The following DENND4C variants were observed in gnomAD, a reference collection of about 807,000 sequenced individuals.
DENND4C encodes DENN domain containing 4C.
A neutral mutation model predicts 203.0 loss-of-function variants in DENND4C; 108 were observed. That is an observed-to-expected ratio of 0.53 (90% confidence interval 0.46 to 0.62). The LOEUF (loss-of-function observed/expected upper bound fraction) is 0.62, where lower values mean the gene tolerates loss of function less well. DENND4C is among the 20% of genes least tolerant of loss of function. DENND4C has a pLI of 0.00. For missense variants in DENND4C, 2,481 were observed against 2,301.2 expected, an observed-to-expected ratio of 1.08 and a Z score of -1.60; for synonymous variants, 871 against 792.4, an observed-to-expected ratio of 1.10 and a Z score of -1.67.
At chr9:19,304,738 A>G (rs989118707) in intron 9 of DENND4C, among the ~76,000 whole-genome samples, 3 of 140,254 alleles carry the variant, frequency 2.1e-5, no homozygotes, top group African/African-American at 8.2e-5. Context: ...TTTAGTAGAG[A>G]CGGGGTTTCA....
At chr9:19,295,595 G>T (rs10114954) in intron 5 of DENND4C, among the ~76,000 whole-genome samples, 72,583 of 150,712 alleles carry the variant, frequency 0.48, 18,295 homozygotes, top group South Asian at 0.56. Flanking sequence ...ACTTGAACCT[G>T]GGAGGCGGAG....
chr9:19,354,406 C>G (rs1018837373), intron 26 of DENND4C, among the ~76,000 whole-genome samples: 1 of 152,144 alleles, frequency 6.6e-6, no homozygotes, highest in Non-Finnish European at 1.5e-5. Context: ...GACGGCTGCA[C>G]TCCCACAAGT....
intron 2 of DENND4C, among the ~76,000 whole-genome samples, chr9:19,282,348 T>G (rs1048647833): frequency 5.3e-5 from 8 of 151,588 alleles, no homozygotes; most frequent in Middle Eastern, 3.4e-3. Flanking sequence ...CTCCACCTCC[T>G]GGGCTCAGGC....
Position 19,299,286 on chromosome 9 carries a change from A to G in DENND4C, c.1165A>G (p.Ser389Gly), listed in dbSNP as rs1300329494. The change falls in exon 8 of 33, where the codon AGT (serine) becomes GGT (glycine). Residue 389 changes from serine (S) to glycine (G), a missense_variant and splice_region_variant. By Grantham distance (56) the Ser-to-Gly change is moderately conservative. Coordinates refer to ENST00000434457, the MANE Select transcript of DENND4C (RefSeq NM_001330640.2). ...GCCAGTTTCTACACCTTTACCACTA[A>G]GGTAATTACTGGTATTTAAAATGAT... ...SQPVSTPLPL[S>G]GANFSTLLMN... 3 of 1,567,112 alleles carry G rather than the reference A, an allele frequency of 1.9e-6. No individual in the cohort carries two copies. The highest frequency in any genetic ancestry group is 3.7e-5 in the Admixed American group (2 of 53,906).
At chr9:19,347,177 G>A (rs1348246935) in intron 23 of DENND4C, 91 bp downstream of exon 23, 1 of 1,300,710 alleles carries the variant, frequency 7.7e-7, no homozygotes, top group Non-Finnish European at 1.1e-6. Context: ...AGAGATTTCT[G>A]TGCCCAGGCT....
chr9:19,273,642 G>A (rs773949963), intron 1 of DENND4C, among the ~76,000 whole-genome samples: 51 of 152,054 alleles, frequency 3.4e-4, no homozygotes, highest in Middle Eastern at 3.4e-3. Context: ...TTTCCCCAAA[G>A]AAGATATATG....
In DENND4C at chr9:19,345,912, C is replaced by T. The variant is rs1442878505; in HGVS notation, c.3152-9C>T. The T allele has an allele frequency of 1.3e-6, 2 of 1,571,926 alleles. No homozygotes were observed. The highest frequency in any genetic ancestry group is 3.9e-5 in the Admixed American group (2 of 50,774). Reference sequence around the variant, plus strand: ...AGGTTCATTGTTAATATTTTACTTTCCCTTTTAGGTAGTATATCAAATGTG... The same window carrying T: ...AGGTTCATTGTTAATATTTTACTTTTCCTTTTAGGTAGTATATCAAATGTG... On this transcript the variant is annotated splice_polypyrimidine_tract_variant and intron_variant, in intron 22 of 32. Transcript: ENST00000434457.
At chr9:19,302,100 A>G (rs915493777) in intron 9 of DENND4C, among the ~76,000 whole-genome samples, 5 of 152,248 alleles carry the variant, frequency 3.3e-5, no homozygotes, top group Non-Finnish European at 7.3e-5. Context: ...GAAAAATGCC[A>G]GAGTATATGA....
At chr9:19,351,325 C>G (rs1824066242) in intron 24 of DENND4C, among the ~76,000 whole-genome samples, 1 of 152,126 alleles carries the variant, frequency 6.6e-6, no homozygotes, top group Non-Finnish European at 1.5e-5. Context: ...AAGCCTAACG[C>G]TAAAACTTCT....
intron 15 of DENND4C, 127 bp downstream of exon 15, chr9:19,326,321 A>C: frequency 1.0e-6 from 1 of 982,452 alleles, no homozygotes; most frequent in Non-Finnish European, 1.4e-6. Context: ...ACTAATGTAG[A>C]TAAATATTTT....
intron 6 of DENND4C, 29 bp downstream of exon 6, chr9:19,296,275 G>A (rs771876601): frequency 8.4e-6 from 12 of 1,426,582 alleles, no homozygotes; most frequent in Non-Finnish European, 1.2e-5. Flanking sequence ...AAGATGGCTG[G>A]TGGAAAACTG....
At chr9:19,266,025 C>T (rs1366367257) in intron 1 of DENND4C, among the ~76,000 whole-genome samples, 5 of 152,190 alleles carry the variant, frequency 3.3e-5, no homozygotes, top group African/African-American at 1.2e-4. Flanking sequence ...CTTGAGGAAT[C>T]GCCACACTGT....
At chr9:19,256,277 T>G (rs1431986020) in intron 1 of DENND4C, among the ~76,000 whole-genome samples, 1 of 150,936 alleles carries the variant, frequency 6.6e-6, no homozygotes, top group Admixed American at 6.6e-5. Flanking sequence ...TTAAAAAAAT[T>G]TTTCTTTTTT....
At chr9:19,328,489 T>C (rs932728178) in intron 16 of DENND4C, among the ~76,000 whole-genome samples, 2 of 151,924 alleles carry the variant, frequency 1.3e-5, no homozygotes, top group Admixed American at 1.3e-4. Context: ...GTCAGGCGCC[T>C]GTGATCCCAG....
rs1253810922 is a variant in DENND4C at position 19,326,183 on chromosome 9, A to C, written c.2109A>C (p.Ser703=). 1.4e-5 allele frequency: 22 copies of C among 1,611,008 alleles called. No individual in the cohort carries two copies. Among genetic ancestry groups the C allele is most frequent in the Non-Finnish European group, 1.8e-5 (21 of 1,179,192 alleles). Residue 703 remains serine, a synonymous_variant, in exon 15 of 33, where the codon TCA becomes TCC. Coordinates refer to ENST00000434457, the MANE Select transcript of DENND4C (RefSeq NM_001330640.2). The part of the protein sequence containing the change: ...EPPPDDGKDL[S]PKYSYKYFPR... Reference sequence around the variant, plus strand: ...CTCCTGATGATGGAAAGGACCTGTCACCAAAGTACAGGTAGTAGGAAGTTT... The same window carrying C: ...CTCCTGATGATGGAAAGGACCTGTCCCCAAAGTACAGGTAGTAGGAAGTTT...
chr9:19,322,651 G>T (rs1843074323), intron 12 of DENND4C, among the ~76,000 whole-genome samples: 1 of 150,266 alleles, frequency 6.7e-6, no homozygotes, highest in Non-Finnish European at 1.5e-5. Flanking sequence ...CAGGAGAATG[G>T]CATGAACCCG....
At chr9:19,348,720 T>G (rs753276796) in intron 23 of DENND4C, among the ~76,000 whole-genome samples, 1 of 152,106 alleles carries the variant, frequency 6.6e-6, no homozygotes, top group Non-Finnish European at 1.5e-5. Context: ...TTAAAGAGCT[T>G]ACGAGGTCAG....
chr9:19,288,757 A>T lies in DENND4C; in HGVS notation c.628+92A>T, dbSNP rs1037365124. ...AGAGATAAAGTATGCTCCCTTACATAGTTTGTAGAATTGATCTATTCATAA... is the reference window on the plus strand; with the variant it reads ...AGAGATAAAGTATGCTCCCTTACATTGTTTGTAGAATTGATCTATTCATAA... On this transcript the variant is annotated intron_variant, in intron 4 of 32. Transcript: ENST00000434457. 3 of 606,962 alleles carry T rather than the reference A, an allele frequency of 4.9e-6. No homozygotes were observed. The African/African-American group carries it at 5.7e-5, about 12-fold the overall frequency. The allele number at this position is 606,962 out of a possible 1,614,324, so 37.6% of individuals were successfully genotyped here.
chr9:19,241,773 A>T (rs1033740804), intron 1 of DENND4C, among the ~76,000 whole-genome samples: 1 of 151,986 alleles, frequency 6.6e-6, no homozygotes, highest in South Asian at 2.1e-4. Context: ...ATCTAAGCAC[A>T]TTGGGAGGCT....
Sources: allele counts gnomAD v4.1 joint callset (sites outside exome capture counted in the v4.1 genomes callset), GRCh38; gene constraint gnomAD v4.1.1; transcripts MANE v1.5; gene names NCBI Gene and HGNC (gene_info 2026-07-23, HGNC 2026-07-21).